The following USP31 variants were observed in gnomAD, a reference collection of about 807,000 sequenced individuals.
The protein encoded by USP31 is ubiquitin carboxyl-terminal hydrolase 31.
A neutral mutation model predicts 119.4 loss-of-function variants in USP31; 44 were observed. The observed-to-expected ratio is 0.37, with a 90% confidence interval of 0.29 to 0.47. USP31 has a LOEUF of 0.47. Among genes scored for constraint, USP31 ranks in the 20% least tolerant of loss-of-function variants. The pLI, the probability that USP31 is intolerant of heterozygous loss-of-function variation, is 0.99. For missense variants in USP31, 1,643 were observed against 1,730.2 expected (o/e 0.95, Z 0.89); for synonymous variants, 749 against 705.6 (o/e 1.06, Z -0.97).
chr16:23,072,297 GC>G, intron 14 of USP31, 100 bp from the exon 15 acceptor site: 2 of 1,498,526 alleles, frequency 1.3e-6, no homozygotes, highest in Non-Finnish European at 1.8e-6. Context: ...GAGCTGGGGG[GC>G]GTTGATGTCC....
At chr16:23,148,481 G>C (rs1318791358) in intron 1 of USP31, among the ~76,000 whole-genome samples, 157 bp downstream of exon 1, 1 of 152,248 alleles carries the variant, frequency 6.6e-6, no homozygotes, top group African/African-American at 2.4e-5. Flanking sequence ...ATGAATGAAT[G>C]AATCTCCTTA....
intron 1 of USP31, among the ~76,000 whole-genome samples, chr16:23,123,646 G>A (rs1200836240): frequency 1.3e-5 from 2 of 152,184 alleles, no homozygotes; most frequent in Non-Finnish European, 2.9e-5. Context: ...ACTCAGTTTA[G>A]TTAAGTCTTA....
At chr16:23,098,569 C>CTA (rs1171061412) in intron 6 of USP31, among the ~76,000 whole-genome samples, 1 of 152,172 alleles carries the variant, frequency 6.6e-6, no homozygotes, top group African/African-American at 2.4e-5. Context: ...TAACTTCAAA[C>CTA]TATACTACAA....
At chr16:23,125,373 T>C (rs1902819237) in intron 1 of USP31, among the ~76,000 whole-genome samples, 1 of 152,102 alleles carries the variant, frequency 6.6e-6, no homozygotes, top group Non-Finnish European at 1.5e-5. Flanking sequence ...CCCTCAGCAA[T>C]ACCCTCTGAA....
Position 23,067,913 on chromosome 16 carries a change from T to TCG in USP31, c.*132_*133insCG. The TCG allele has an allele frequency of 4.9e-6, 5 of 1,017,856 alleles. No individual in the cohort carries two copies. Among genetic ancestry groups the TCG allele is most frequent in the Non-Finnish European group, 7.0e-6 (5 of 714,592 alleles). The allele number at this position is 1,017,856 out of a possible 1,614,324, so 63.1% of individuals were successfully genotyped here. On this transcript the variant is annotated 3_prime_UTR_variant, in exon 16 of 16. Transcript: ENST00000219689. ...GAATTAGACACACACACGCATACAC[T>TCG]CACACACACACACACAGTCGGGCAC...
intron 1 of USP31, among the ~76,000 whole-genome samples, chr16:23,134,614 A>G (rs1006501500): frequency 6.6e-6 from 1 of 151,770 alleles, no homozygotes; most frequent in Non-Finnish European, 1.5e-5. Flanking sequence ...GTACACATTC[A>G]CCAAAGTAAA....
intron 1 of USP31, among the ~76,000 whole-genome samples, chr16:23,142,656 AG>A (rs373953548): frequency 3.2e-4 from 48 of 152,320 alleles, no homozygotes; most frequent in African/African-American, 1.1e-3. Context: ...CTGAAAGGCT[AG>A]GAACTACTCA....
intron 13 of USP31, chr16:23,079,643 C>A: frequency 3.9e-6 from 1 of 254,218 alleles, no homozygotes; most frequent in African/African-American, 2.2e-5. Context: ...TCTAGCAAAA[C>A]CGTAAATGGG....
rs377445304 is a variant in USP31, at chr16:23,110,516, T to C, written c.634-2333A>G. Among the ~76,000 whole-genome samples, 13 of 152,172 alleles carry C rather than the reference T, an allele frequency of 8.5e-5. No homozygotes were observed. In the East Asian group the frequency reaches 1.9e-3, roughly 23 times the overall value. On this transcript the variant is annotated intron_variant, in intron 1 of 15. Transcript: ENST00000219689. Reference sequence around the variant, plus strand: ...GGAGGAGATCAAACAGTAAACAGATTAGGCAGAGTAGGAGGAGATGAAACA... The same window carrying C: ...GGAGGAGATCAAACAGTAAACAGATCAGGCAGAGTAGGAGGAGATGAAACA...
chr16:23,095,805 T>C (rs1025442302), intron 6 of USP31, among the ~76,000 whole-genome samples: 6 of 152,158 alleles, frequency 3.9e-5, no homozygotes, highest in South Asian at 2.1e-4. Context: ...CTGAGAGATT[T>C]TGTCACCACC....
At chr16:23,093,441 T>C (rs550088664) in intron 6 of USP31, among the ~76,000 whole-genome samples, 1 of 152,218 alleles carries the variant, frequency 6.6e-6, no homozygotes, top group Non-Finnish European at 1.5e-5. Flanking sequence ...ATGTTCATCA[T>C]CATTTACTAT....
At chr16:23,071,288 C>A (rs1238303009) in intron 15 of USP31, among the ~76,000 whole-genome samples, 1 of 152,002 alleles carries the variant, frequency 6.6e-6, no homozygotes, top group Non-Finnish European at 1.5e-5. Flanking sequence ...TTACAGTGAT[C>A]GAAATGCTGG....
At chr16:23,104,874 T>A (rs146010780) in intron 5 of USP31, among the ~76,000 whole-genome samples, 20 of 152,326 alleles carry the variant, frequency 1.3e-4, no homozygotes, top group African/African-American at 4.6e-4. Context: ...AATTTCAACA[T>A]AACTGCTTAT....
chr16:23,121,260 C>CGG (rs1248589174), intron 1 of USP31, among the ~76,000 whole-genome samples: 1 of 152,206 alleles, frequency 6.6e-6, no homozygotes, highest in African/African-American at 2.4e-5. Context: ...GCACTCTACA[C>CGG]AGCCAACCCT....
At chr16:23,075,178 G>A (rs890006837) in intron 13 of USP31, among the ~76,000 whole-genome samples, 1 of 152,168 alleles carries the variant, frequency 6.6e-6, no homozygotes, top group Non-Finnish European at 1.5e-5. Context: ...GAACCAGAAG[G>A]GAAAGAACTT....
At chr16:23,114,215 A>G (rs1902415663) in intron 1 of USP31, among the ~76,000 whole-genome samples, 1 of 152,294 alleles carries the variant, frequency 6.6e-6, no homozygotes, top group East Asian at 1.9e-4. Context: ...GATGGAAGAG[A>G]AGGAGGTAAA....
chr16:23,073,782 T>C lies in USP31; in HGVS notation c.2275A>G (p.Ile759Val). 6.2e-7 allele frequency: 1 copy of C among 1,614,090 alleles called. No individual in the cohort carries two copies. ...GCTGTCCGCCTCTGGTAGAAGAGGATGTATGCTGTCTGCGTGCAGACCTCA... is the reference window on the plus strand; with the variant it reads ...GCTGTCCGCCTCTGGTAGAAGAGGACGTATGCTGTCTGCGTGCAGACCTCA... ...EDEVCTQTAY[I>V]LFYQRRTAIP... The change falls in exon 14 of 16, where the codon ATC becomes GTC. Residue 759 changes from isoleucine (I) to valine (V), a missense_variant. Ile to Val is a conservative substitution (Grantham distance 29, BLOSUM62 3). Transcript: ENST00000219689.
Position 23,148,765 on chromosome 16 carries a change from G to C in USP31, c.506C>G (p.Ser169Trp). The C allele has an allele frequency of 1.3e-6, 2 of 1,525,466 alleles. No homozygotes were observed. The highest frequency in any genetic ancestry group is 1.8e-6 in the Non-Finnish European group (2 of 1,141,796). 94.5% of individuals were successfully genotyped at this position (1,525,466 alleles called of 1,614,324 possible). A position where few individuals can be genotyped will look rare whatever the true frequency, so the allele number is the denominator to read the frequency against. The change falls in exon 1 of 16, where the codon TCG (serine) becomes TGG (tryptophan). Residue 169 changes from serine (S) to tryptophan (W), a missense_variant. By Grantham distance (177) the Ser-to-Trp change is radical (BLOSUM62 -3). This residue lies in a region of USP31 where 302 missense variants were observed against 262.6 expected (regional missense o/e 1.15). Transcript: ENST00000219689. The part of the protein sequence containing the change: ...GQYRAGRPEP[S>W]PDPEQPAGRG... ...GCCCGCAGGCTGCTCCGGGTCAGGC[G>C]AGGGCTCGGGCCGCCCCGCCCGGTA...
chr16:23,125,967 C>A (rs1417119800), intron 1 of USP31, among the ~76,000 whole-genome samples: 2 of 152,092 alleles, frequency 1.3e-5, no homozygotes, highest in Non-Finnish European at 2.9e-5. Flanking sequence ...CCTGCTCATT[C>A]ATTTGCTCAT....
Sources: allele counts gnomAD v4.1 joint callset (sites outside exome capture counted in the v4.1 genomes callset), GRCh38; gene constraint gnomAD v4.1.1; regional missense constraint gnomAD v4.1.1; transcripts MANE v1.5; gene names NCBI Gene and HGNC (gene_info 2026-07-23, HGNC 2026-07-21).